The following ITPR3 variants were observed in gnomAD, a reference collection of about 807,000 sequenced individuals.
The protein encoded by ITPR3 is inositol 1,4,5-trisphosphate-gated calcium channel ITPR3.
Under a neutral mutation model 293.2 loss-of-function variants are expected in ITPR3, and 173 were observed. The observed-to-expected ratio is 0.59, with a 90% CI of 0.52 to 0.67. The LOEUF (loss-of-function observed/expected upper bound fraction) is 0.67. Among genes scored for constraint, ITPR3 ranks in the 30% least tolerant of loss-of-function variants. The pLI is 0.00. For synonymous variants in ITPR3, 1,295 were observed against 1,444.4 expected (o/e 0.90, Z 2.35); for missense variants, 2,796 against 3,592.1 (o/e 0.78, Z 5.66).
intron 2 of ITPR3, among the ~76,000 whole-genome samples, chr6:33,641,119 G>A (rs1257589893): frequency 2.6e-5 from 4 of 152,232 alleles, no homozygotes; most frequent in Non-Finnish European, 5.9e-5. Context: ...CTTCGTTCAC[G>A]GGACCTTGTC....
chr6:33,667,254 G>A lies in ITPR3; in HGVS notation c.1677G>A (p.Val559=), dbSNP rs745663110. The change falls in exon 15 of 58, where the codon GTG becomes GTA. Residue 559 remains valine (V), a synonymous_variant. Transcript: ENST00000605930. This position sits in a 1 kb window ranked among gnomAD's most constrained non-coding sequence, Gnocchi z 4.4. The part of the protein sequence containing the change: ...YQHMFRLCYR[V]LRHSQEDYRK... Reference sequence around the variant, plus strand: ...ACATGTTCCGCCTGTGCTACCGCGTGTTGCGGCATTCCCAGGAGGACTACC... The same window carrying A: ...ACATGTTCCGCCTGTGCTACCGCGTATTGCGGCATTCCCAGGAGGACTACC... The A allele has an allele frequency of 6.2e-7, 1 of 1,613,346 alleles. No individual in the cohort carries two copies. Among genetic ancestry groups the A allele is most frequent in the Non-Finnish European group, 8.5e-7 (1 of 1,179,962 alleles).
At chr6:33,665,407 C>T (rs1355765682) in intron 13 of ITPR3, among the ~76,000 whole-genome samples, 194 bp downstream of exon 13, 1 of 152,188 alleles carries the variant, frequency 6.6e-6, no homozygotes, top group Admixed American at 6.5e-5. Flanking sequence ...CAGAACTAAC[C>T]CTATGATGGA....
rs1765165654 is a variant in ITPR3, at chr6:33,684,391, G to A, written c.4972G>A (p.Glu1658Lys). Reference protein sequence around the residue: ...IQHTKDLMESEEKLCIKVLRT... With the variant: ...IQHTKDLMESKEKLCIKVLRT... ...GCACACCAAGGACCTCATGGAGTCG[G>A]AGGAGAAGCTGTGCATCAAGGTGCT... is the stretch of plus-strand genomic sequence containing the variant. Residue 1658 changes from glutamate (E) to lysine (K), a missense_variant, in exon 37 of 58, where the codon GAG becomes AAG. Transcript: ENST00000605930. This position sits in a 1 kb window ranked among gnomAD's most constrained non-coding sequence, Gnocchi z 4.2. The A allele has an allele frequency of 3.1e-6, 5 of 1,614,094 alleles. No individual in the cohort carries two copies. The highest frequency in any genetic ancestry group is 4.2e-6 in the Non-Finnish European group (5 of 1,179,990).
rs1561882261 is a variant in ITPR3 at position 33,688,793 on chromosome 6, G to C, written c.6694+12G>C. 2 of 1,614,120 alleles carry C rather than the reference G, an allele frequency of 1.2e-6. No homozygotes were observed. Among genetic ancestry groups the C allele is most frequent in the Non-Finnish European group, 1.7e-6 (2 of 1,179,994 alleles). On this transcript the variant is annotated intron_variant, in intron 49 of 57. Transcript: ENST00000605930. ...GGGCGCGTCCACAGGTGAGAACACA[G>C]GGCTGGCCGGCAGGTTCCCCGGGCC...
intron 56 of ITPR3, chr6:33,694,602 A>AGGCCTTCCTGGTG (rs1456899412): frequency 3.6e-5 from 12 of 330,008 alleles, no homozygotes; most frequent in African/African-American, 2.2e-4. Context: ...GTCTGGGTGC[A>AGGCCTTCCTGGTG]GAGGCCTTCC....
rs764443732 is a variant in ITPR3 at position 33,684,034 on chromosome 6, C to A, written c.4803C>A (p.Ala1601=). The change falls in exon 36 of 58, where the codon GCC becomes GCA. Residue 1601 remains alanine, a synonymous_variant. Transcript: ENST00000605930. The surrounding 1 kb of genome is among the most constrained non-coding windows in gnomAD (Gnocchi z 4.2). ...GCCCACCCCAGGACATCATCACAGC[C>A]CTGGAGGAGCGGCTGAAGCCCCTGG... ...IIEKLQDIIT[A]LEERLKPLVQ... is the part of the protein sequence containing the mutation. 6.2e-7 allele frequency: 1 copy of A among 1,609,728 alleles called. No individual in the cohort carries two copies. The highest frequency in any genetic ancestry group is 2.2e-5 in the East Asian group (1 of 44,860).
At chr6:33,622,459 G>A (rs1763460960) in intron 1 of ITPR3, among the ~76,000 whole-genome samples, 1 of 152,210 alleles carries the variant, frequency 6.6e-6, no homozygotes, top group East Asian at 1.9e-4. Flanking sequence ...AAATTAGGTA[G>A]AGAGGATGGG....
chr6:33,678,595 G>A, intron 29 of ITPR3, 44 bp from the exon 30 acceptor site: 1 of 1,569,466 alleles, frequency 6.4e-7, no homozygotes, highest in Non-Finnish European at 8.7e-7. Context: ...TGGGGGGTGG[G>A]GGCGGGGCCC....
chr6:33,621,757 G>A lies in ITPR3; in HGVS notation c.89+66G>A. 1 of 1,268,428 alleles carries A rather than the reference G, an allele frequency of 7.9e-7. No homozygotes were observed. Among genetic ancestry groups the A allele is most frequent in the Non-Finnish European group, 1.1e-6 (1 of 892,628 alleles). 78.6% of individuals were successfully genotyped at this position (1,268,428 alleles called of 1,614,324 possible). ...GGCGCCGTGGGCCCTGGTGCCAGCT[G>A]CGTGCGTCCAGCCGCCGCCCCCCGA... is the stretch of plus-strand genomic sequence containing the variant. On this transcript the variant is annotated intron_variant, in intron 1 of 57. Transcript: ENST00000605930. The surrounding 1 kb of genome is among the most constrained non-coding windows in gnomAD (Gnocchi z 7.7).
chr6:33,659,026 C>G lies in ITPR3; in HGVS notation c.534C>G (p.Val178=). Reference sequence around the variant, plus strand: ...TGTCCCACCTGTCTGCTCAGGTGGTCGTGGGGGACAAGGTGATCCTGAATC... The same window carrying G: ...TGTCCCACCTGTCTGCTCAGGTGGTGGTGGGGGACAAGGTGATCCTGAATC... ...WKLRSNGDNV[V]VGDKVILNPV... is the part of the protein sequence containing the mutation. Residue 178 remains valine, a synonymous_variant, in exon 6 of 58, where the codon GTC becomes GTG. Transcript: ENST00000605930. The G allele has an allele frequency of 1.9e-6, 3 of 1,613,962 alleles. No individual in the cohort carries two copies. Among genetic ancestry groups the G allele is most frequent in the Non-Finnish European group, 1.7e-6 (2 of 1,179,974 alleles).
Position 33,682,778 on chromosome 6 carries a change from C to T in ITPR3, c.4597+134C>T, listed in dbSNP as rs914802428. Reference sequence around the variant, plus strand: ...GCTCCCAGGTGGTTGTCAGTAAGTTCTTCTTGGCGTCTGCCTCATCCTGGC... The same window carrying T: ...GCTCCCAGGTGGTTGTCAGTAAGTTTTTCTTGGCGTCTGCCTCATCCTGGC... On this transcript the variant is annotated intron_variant, in intron 34 of 57. Coordinates refer to ENST00000605930, the MANE Select transcript of ITPR3 (RefSeq NM_002224.4). The surrounding 1 kb of genome is among the most constrained non-coding windows in gnomAD (Gnocchi z 5.4). The T allele has an allele frequency of 1.1e-5, 13 of 1,189,822 alleles. No homozygotes were observed. The highest frequency in any genetic ancestry group is 1.7e-5 in the South Asian group (1 of 58,202). The allele number at this position is 1,189,822 out of a possible 1,614,324, so 73.7% of individuals were successfully genotyped here.
At position 33,654,779 on chromosome 6, in the gene ITPR3, C is replaced by A. The variant is rs564025777; in HGVS notation, c.161-987C>A. ...GATCTCAGGGCCACTGAGTCCTGCTCCGTGCCCAGGCTGTGGATCCCTCCT... is the reference window on the plus strand; with the variant it reads ...GATCTCAGGGCCACTGAGTCCTGCTACGTGCCCAGGCTGTGGATCCCTCCT... On this transcript the variant is annotated intron_variant, in intron 2 of 57. Transcript: ENST00000605930. The surrounding 1 kb of genome is among the most constrained non-coding windows in gnomAD (Gnocchi z 4.1). Among the ~76,000 whole-genome samples the A allele has an allele frequency of 2.6e-4, 39 of 152,330 alleles. No individual in the cohort carries two copies. The highest frequency in any genetic ancestry group is 9.4e-4 in the African/African-American group (39 of 41,576).
chr6:33,674,848 G>A (rs1488312034), intron 24 of ITPR3, among the ~76,000 whole-genome samples: 1 of 152,170 alleles, frequency 6.6e-6, no homozygotes, highest in Non-Finnish European at 1.5e-5. Flanking sequence ...GTAAAGTAGC[G>A]AGCTGCACTG....
intron 13 of ITPR3, 30 bp from the exon 14 acceptor site, chr6:33,665,805 C>A (rs1206621420): frequency 1.2e-6 from 2 of 1,611,064 alleles, no homozygotes; most frequent in Admixed American, 3.3e-5. Flanking sequence ...GGGTATCTCA[C>A]ACTCGTCATC....
In ITPR3 at chr6:33,671,208, G is replaced by C; in HGVS notation, c.2630G>C (p.Ser877Thr). ...AHNLIYFGFY[S>T]FSELLRLTRT... is the part of the protein sequence containing the mutation. ...AATCTCATCTACTTCGGCTTCTACA[G>C]CTTCAGCGAGCTGCTGCGGCTCACT... The change falls in exon 21 of 58, where the codon AGC becomes ACC. Residue 877 changes from serine (S) to threonine (T), a missense_variant. By Grantham distance (58) the Ser-to-Thr change is moderately conservative (BLOSUM62 1). Coordinates refer to ENST00000605930, the MANE Select transcript of ITPR3 (RefSeq NM_002224.4). 6.2e-7 allele frequency: 1 copy of C among 1,613,710 alleles called. No homozygotes were observed. Among genetic ancestry groups the C allele is most frequent in the South Asian group, 1.1e-5 (1 of 91,082 alleles).
At chr6:33,690,347 G>C (rs1487800027) in intron 51 of ITPR3, 149 bp downstream of exon 51, 2 of 835,650 alleles carry the variant, frequency 2.4e-6, no homozygotes, top group East Asian at 5.3e-5. Context: ...GTCTTCATCT[G>C]CCTGACCCAA....
At chr6:33,641,326 G>A (rs1019851211) in intron 2 of ITPR3, among the ~76,000 whole-genome samples, 4 of 152,194 alleles carry the variant, frequency 2.6e-5, no homozygotes, top group African/African-American at 4.8e-5. Context: ...GCAGCAACAC[G>A]CTGGGCCTGC....
chr6:33,677,137 C>G, intron 27 of ITPR3, 48 bp downstream of exon 27: 1 of 1,528,960 alleles, frequency 6.5e-7, no homozygotes, highest in Non-Finnish European at 9.1e-7. Flanking sequence ...CCCCAGTGGT[C>G]CTGGGGGCTC....
intron 1 of ITPR3, among the ~76,000 whole-genome samples, chr6:33,634,296 G>A (rs985438154): frequency 1.3e-5 from 2 of 152,094 alleles, no homozygotes; most frequent in African/African-American, 2.4e-5. Context: ...AGGAAGGCAA[G>A]GTGGCAAGGT....
Sources: allele counts gnomAD v4.1 joint callset (sites outside exome capture counted in the v4.1 genomes callset), GRCh38; gene constraint gnomAD v4.1.1; non-coding constraint Gnocchi (gnomAD v3.1); transcripts MANE v1.5; gene names NCBI Gene and HGNC (gene_info 2026-07-23, HGNC 2026-07-21).